The following CCDC136 variants were observed in gnomAD, a reference collection of about 807,000 sequenced individuals.
The protein encoded by CCDC136 is coiled-coil domain-containing protein 136.
In CCDC136, 100 loss-of-function variants were observed where a neutral mutation model predicts 141.2. The ratio of observed to expected loss-of-function variants is 0.71; its 90% CI spans 0.60 to 0.84. The LOEUF is 0.84. Ranked by LOEUF, CCDC136 falls within the 40% of genes least tolerant of loss-of-function variation. The pLI, the probability that CCDC136 is intolerant of heterozygous loss-of-function variation, is 0.00. For missense variants in CCDC136, 1,206 were observed against 1,379.4 expected (o/e 0.87, Z 1.99); for synonymous variants, 474 against 531.9 (o/e 0.89, Z 1.50).
chr7:128,809,770 C>T (rs1213975941), intron 11 of CCDC136, 126 bp downstream of exon 11: 1 of 710,084 alleles, frequency 1.4e-6, no homozygotes, highest in Non-Finnish European at 2.3e-6. Flanking sequence ...CTTACTTTCT[C>T]ACCACTCTCC....
chr7:128,806,575 T>C (rs1804872574), intron 8 of CCDC136, 113 bp from the exon 9 acceptor site: 1 of 1,149,250 alleles, frequency 8.7e-7, no homozygotes, highest in Non-Finnish European at 1.2e-6. Flanking sequence ...CATTAGGAAG[T>C]GAAGGGCAGG....
rs573700219 is a variant in CCDC136, at chr7:128,794,571, G to T, written c.240G>T (p.Gly80=). The stretch of plus-strand genomic sequence containing the variant: ...TGGAGGAGACCCGGGAACTGGCAGG[G>T]CAGCATGAGGATGACTCCTTGGAGC... ...AELEETRELA[G]QHEDDSLELQ... is the part of the protein sequence containing the mutation. The change falls in exon 2 of 18, where the codon GGG becomes GGT. Residue 80 remains glycine (G), a synonymous_variant. Coordinates refer to ENST00000297788, the MANE Select transcript of CCDC136 (RefSeq NM_022742.5). This position sits in a 1 kb window ranked among gnomAD's most constrained non-coding sequence, Gnocchi z 4.3. 6.4e-7 allele frequency: 1 copy of T among 1,557,016 alleles called. No homozygotes were observed.
chr7:128,805,372 A>G lies in CCDC136; in HGVS notation c.796A>G (p.Thr266Ala). ...DLESERTQRATERWLQSQTLS... is the reference protein window; with the variant it reads ...DLESERTQRAAERWLQSQTLS... ...TCTGAATTGCAGGACACAGAGAGCA[A>G]CAGAGAGATGGCTGCAGTCCCAAAC... The change falls in exon 6 of 18, where the codon ACA becomes GCA. Residue 266 changes from threonine (T) to alanine (A), a missense_variant. By Grantham distance (58) the Thr-to-Ala change is moderately conservative. Coordinates refer to ENST00000297788, the MANE Select transcript of CCDC136 (RefSeq NM_022742.5). This position sits in a 1 kb window ranked among gnomAD's most constrained non-coding sequence, Gnocchi z 4.6. 1 of 1,613,886 alleles carries G rather than the reference A, an allele frequency of 6.2e-7. No homozygotes were observed. The highest frequency in any genetic ancestry group is 8.5e-7 in the Non-Finnish European group (1 of 1,179,852).
In CCDC136 at chr7:128,822,041, C is replaced by G. The variant is rs1482492432; in HGVS notation, c.*248C>G. On this transcript the variant is annotated 3_prime_UTR_variant, in exon 18 of 18. Transcript: ENST00000297788. Reference sequence around the variant, plus strand: ...ATCTCCTCAGCCTCAGTCACCCAGGCTGAAAAGGCTTGTGGGGAGCGGCTG... The same window carrying G: ...ATCTCCTCAGCCTCAGTCACCCAGGGTGAAAAGGCTTGTGGGGAGCGGCTG... 1 of 1,207,688 alleles carries G rather than the reference C, an allele frequency of 8.3e-7. No individual in the cohort carries two copies. Among genetic ancestry groups the G allele is most frequent in the Non-Finnish European group, 1.1e-6 (1 of 947,692 alleles). 74.8% of individuals were successfully genotyped at this position (1,207,688 alleles called of 1,614,324 possible).
At chr7:128,812,646 C>A in intron 13 of CCDC136, 62 bp from the exon 14 acceptor site, 1 of 1,312,296 alleles carries the variant, frequency 7.6e-7, no homozygotes, top group Non-Finnish European at 1.1e-6. Flanking sequence ...AAGGGCCCAG[C>A]AGAGTAGGGC....
In CCDC136 at chr7:128,806,846, G is replaced by C. The variant is rs757101887; in HGVS notation, c.1407G>C (p.Glu469Asp). The change falls in exon 9 of 18, where the codon GAG becomes GAC. Residue 469 changes from glutamate to aspartate, a missense_variant. Physicochemically the swap from Glu to Asp is conservative, Grantham distance 45. Coordinates refer to ENST00000297788, the MANE Select transcript of CCDC136 (RefSeq NM_022742.5). The stretch of plus-strand genomic sequence containing the variant: ...GGGATACGGTGGCCTCCTTCAAAGA[G>C]AGCAATGAGAAGGTAAAAGAAGCTC... The part of the protein sequence containing the change: ...HLRDTVASFK[E>D]SNEKDTETHA... 29 of 1,602,150 alleles carry C rather than the reference G, an allele frequency of 1.8e-5. No individual in the cohort carries two copies. The African/African-American group carries it at 3.2e-4, about 18-fold the overall frequency.
At position 128,806,834 on chromosome 7, in the gene CCDC136, C is replaced by T; in HGVS notation, c.1395C>T (p.Ala465=). ...AELQHLRDTV[A]SFKESNEKDT... ...TGCAGCACCTCAGGGATACGGTGGC[C>T]TCCTTCAAAGAGAGCAATGAGAAGG... is the stretch of plus-strand genomic sequence containing the variant. Residue 465 remains alanine, a synonymous_variant, in exon 9 of 18, where the codon GCC becomes GCT. Transcript: ENST00000297788. 6.2e-7 allele frequency: 1 copy of T among 1,611,194 alleles called. No homozygotes were observed. The highest frequency in any genetic ancestry group is 8.5e-7 in the Non-Finnish European group (1 of 1,178,734).
At chr7:128,808,868 A>T (rs1805271325) in intron 10 of CCDC136, 1 of 985,332 alleles carries the variant, frequency 1.0e-6, no homozygotes, top group Admixed American at 6.1e-5. Context: ...GCCGTAAAAC[A>T]GCATTGAGAT....
chr7:128,793,811 C>A (rs543121003), intron 1 of CCDC136, among the ~76,000 whole-genome samples: 2 of 152,256 alleles, frequency 1.3e-5, no homozygotes, highest in East Asian at 3.9e-4. Flanking sequence ...GGGGTTTCAC[C>A]ATGTTGACCG....
chr7:128,798,433 G>A (rs906277886), intron 3 of CCDC136, among the ~76,000 whole-genome samples: 1 of 151,806 alleles, frequency 6.6e-6, no homozygotes, highest in African/African-American at 2.4e-5. Context: ...TGTATATTTA[G>A]TAGAGATGGG....
At position 128,795,913 on chromosome 7, in the gene CCDC136, G is replaced by T. The variant is rs570513013; in HGVS notation, c.346+1145G>T. Among the ~76,000 whole-genome samples the T allele has an allele frequency of 5.3e-5, 8 of 152,322 alleles. No individual in the cohort carries two copies. In the East Asian group the frequency reaches 1.5e-3, roughly 29 times the overall value. ...GCAGAAAATAAACAACACAAGTTCA[G>T]ATGGCAATAAATGCTATGAACACGA... On this transcript the variant is annotated intron_variant, in intron 3 of 17. Transcript: ENST00000297788.
In CCDC136 at chr7:128,810,057, C is replaced by T. The variant is rs367984749; in HGVS notation, c.1801-82C>T. The T allele has an allele frequency of 2.2e-4, 177 of 816,766 alleles. No homozygotes were observed. The East Asian group carries it at 3.0e-3, about 14-fold the overall frequency. The allele number at this position is 816,766 out of a possible 1,614,324, so 50.6% of individuals were successfully genotyped here. A position where few individuals can be genotyped will look rare whatever the true frequency, so the allele number is the denominator to read the frequency against. On this transcript the variant is annotated intron_variant, in intron 11 of 17. Transcript: ENST00000297788. ...AGATTCTTCAGGGAATTGTTCACAA[C>T]GGGGATGAGGCACCAAGGAGGCATC...
chr7:128,813,172 T>C (rs1381120125), intron 14 of CCDC136, among the ~76,000 whole-genome samples: 11 of 152,230 alleles, frequency 7.2e-5, no homozygotes, highest in Admixed American at 7.2e-4. Context: ...CTGTTCTCTT[T>C]TGCTTTGTGT....
At chr7:128,807,034 A>T (rs1804970400) in intron 9 of CCDC136, among the ~76,000 whole-genome samples, 176 bp downstream of exon 9, 1 of 152,168 alleles carries the variant, frequency 6.6e-6, no homozygotes, top group Non-Finnish European at 1.5e-5. Context: ...GCTTCCTTTG[A>T]TTTTAAATCA....
intron 1 of CCDC136, among the ~76,000 whole-genome samples, chr7:128,793,123 G>C (rs879403742): frequency 6.6e-6 from 1 of 152,246 alleles, no homozygotes; most frequent in African/African-American, 2.4e-5. Flanking sequence ...GCTGATATTA[G>C]ATAAAGTAAG....
At chr7:128,809,079 C>CAGG in intron 10 of CCDC136, 1 of 611,724 alleles carries the variant, frequency 1.6e-6, no homozygotes, top group Non-Finnish European at 2.1e-6. Context: ...ATGAGAATAA[C>CAGG]AGGAGCTAAG....
At chr7:128,812,677 G>T (rs951679770) in intron 13 of CCDC136, 31 bp from the exon 14 acceptor site, 1 of 1,550,398 alleles carries the variant, frequency 6.4e-7, no homozygotes, top group Non-Finnish European at 8.8e-7. Context: ...TGCTCCTCAG[G>T]GTGCTATTGT....
intron 9 of CCDC136, 63 bp from the exon 10 acceptor site, chr7:128,807,297 G>A (rs1460772634): frequency 7.9e-7 from 1 of 1,266,390 alleles, no homozygotes; most frequent in African/African-American, 1.5e-5. Flanking sequence ...TCCCCGCCTG[G>A]GAGGAGAGAG....
At chr7:128,791,340 G>T, upstream of CCDC136, 1 of 412,142 alleles carries the variant, frequency 2.4e-6, no homozygotes, top group Non-Finnish European at 4.0e-6. The surrounding 1 kb of genome is among the most constrained non-coding windows in gnomAD (Gnocchi z 7.1). Flanking sequence ...GGGCTTCCGG[G>T]CGGCGGCGAG....
Sources: gnomAD v4.1 joint callset for allele counts (sites outside exome capture counted in the v4.1 genomes callset) on GRCh38, gnomAD v4.1.1 for gene constraint, Gnocchi (gnomAD v3.1) non-coding constraint, MANE v1.5 for transcripts, NCBI Gene and HGNC (gene_info 2026-07-23, HGNC 2026-07-21) for gene names.